CKM: variants seen among roughly 807,000 people sequenced by gnomAD.
The protein encoded by CKM is creatine kinase, M-type.
Under a neutral mutation model 35.4 loss-of-function variants are expected in CKM, and 28 were observed. The ratio of observed to expected loss-of-function variants is 0.79; its 90% CI spans 0.59 to 1.08. The LOEUF (loss-of-function observed/expected upper bound fraction) is 1.08, where lower values mean the gene tolerates loss of function less well. CKM is among the 50% of genes least tolerant of loss of function. CKM has a pLI of 0.00. For missense variants in CKM, 484 were observed against 509.8 expected (o/e 0.95, Z 0.49); for synonymous variants, 215 against 204.4 (o/e 1.05, Z -0.44).
rs1162148814 is a variant in CKM, at chr19:45,306,854, C to T, written c.1042G>A (p.Glu348Lys). ...NADRLGSSEV[E>K]QVQLVVDGVK... is the part of the protein sequence containing the mutation. ...CCATCCACCACCAGCTGCACCTGTT[C>T]TACTTCGGACGAGCCCAGCCGATCA... Residue 348 changes from glutamate to lysine, a missense_variant, in exon 8 of 8, where the codon GAA (glutamate) becomes AAA (lysine). Glu to Lys is a moderately conservative substitution (Grantham distance 56). Transcript: ENST00000221476. The surrounding 1 kb of genome is among the most constrained non-coding windows in gnomAD (Gnocchi z 4.5). 1 of 1,614,218 alleles carries T rather than the reference C, an allele frequency of 6.2e-7. No individual in the cohort carries two copies.
At chr19:45,310,244 A>C (rs1236202874) in intron 5 of CKM, among the ~76,000 whole-genome samples, 1 of 147,608 alleles carries the variant, frequency 6.8e-6, no homozygotes, top group Non-Finnish European at 1.5e-5. Context: ...CCTCAGCCTC[A>C]CGAGTAAGTA....
Position 45,317,856 on chromosome 19 carries a change from T to G in CKM, c.317A>C (p.His106Pro). 6.2e-7 allele frequency: 1 copy of G among 1,613,996 alleles called. No individual in the cohort carries two copies. The highest frequency in any genetic ancestry group is 1.3e-5 in the African/African-American group (1 of 74,972). Residue 106 changes from histidine (H) to proline (P), a missense_variant, in exon 3 of 8, where the codon CAC becomes CCC. Transcript: ENST00000221476. The stretch of plus-strand genomic sequence containing the variant: ...GTTTTCATGGTTGAGGTCAGTCTTG[T>G]GCTTGTCAGTGGGTTTGTAGCCCCC... ...RHGGYKPTDKHKTDLNHENLK... is the reference protein window; with the variant it reads ...RHGGYKPTDKPKTDLNHENLK...
chr19:45,318,791 C>T (rs1971183717), intron 2 of CKM, among the ~76,000 whole-genome samples: 1 of 152,128 alleles, frequency 6.6e-6, no homozygotes, highest in African/African-American at 2.4e-5. Context: ...CTCCCCTCCA[C>T]TCCCAGCTCT....
chr19:45,310,342 G>A (rs200940593), intron 5 of CKM, among the ~76,000 whole-genome samples: 20 of 151,602 alleles, frequency 1.3e-4, no homozygotes, highest in East Asian at 3.9e-4. Context: ...GGATGGTCTC[G>A]ATCTCCTGAC....
At chr19:45,308,259 G>T in intron 6 of CKM, 150 bp downstream of exon 6, 3 of 912,344 alleles carry the variant, frequency 3.3e-6, no homozygotes, top group Non-Finnish European at 3.3e-6. Context: ...GGGGGGCGGG[G>T]TTTGGCATGG....
rs565506821 is a variant in CKM, at chr19:45,318,999, C to G, written c.193+522G>C. 2.0e-4 allele frequency among the ~76,000 whole-genome samples: 30 copies of G among 152,118 alleles called. 1 individual carries two copies. Among genetic ancestry groups the G allele is most frequent in the Admixed American group, 1.6e-3 (25 of 15,260 alleles). On this transcript the variant is annotated intron_variant, in intron 2 of 7. Coordinates refer to ENST00000221476, the MANE Select transcript of CKM (RefSeq NM_001824.5). ...CCTCCTGAGTAGCTTGGACCACAAG[C>G]CCTCATCACCACACTTGGCTAATTT...
At chr19:45,307,348 G>T in intron 7 of CKM, 113 bp downstream of exon 7, 4 of 950,778 alleles carry the variant, frequency 4.2e-6, no homozygotes, top group Non-Finnish European at 6.5e-6. Flanking sequence ...CTCACAGAGG[G>T]TCAGCCCTTG....
At chr19:45,308,039 T>C (rs1046652678) in intron 6 of CKM, among the ~76,000 whole-genome samples, 1 of 152,006 alleles carries the variant, frequency 6.6e-6, no homozygotes, top group African/African-American at 2.4e-5. Context: ...AATTTATTTA[T>C]TTATTAATTT....
chr19:45,317,590 C>CT (rs758467617), intron 3 of CKM, among the ~76,000 whole-genome samples: 3,025 of 144,574 alleles, frequency 0.021, 56 homozygotes, highest in East Asian at 0.076. Context: ...GTGCCCAGCC[C>CT]TTTTTTTTTT....
chr19:45,309,114 G>T (rs1209641710), intron 5 of CKM, among the ~76,000 whole-genome samples: 3 of 151,364 alleles, frequency 2.0e-5, no homozygotes, highest in Admixed American at 2.0e-4. Context: ...TGTAGTCCCA[G>T]CTACTCAGGA....
Position 45,306,644 on chromosome 19 carries a change from G to A in CKM, c.*106C>T, listed in dbSNP as rs1971054004. 15 of 1,197,248 alleles carry A rather than the reference G, an allele frequency of 1.3e-5. No homozygotes were observed. The South Asian group carries it at 1.9e-4, about 15-fold the overall frequency. 74.2% of individuals were successfully genotyped at this position (1,197,248 alleles called of 1,614,324 possible). ...GAAGGGTGGAGAGAGCCCCCAGGTG[G>A]GACTCTGGGACAGGGGGCGGGGCGA... On this transcript the variant is annotated 3_prime_UTR_variant, in exon 8 of 8. Transcript: ENST00000221476. The surrounding 1 kb of genome is among the most constrained non-coding windows in gnomAD (Gnocchi z 4.5).
At chr19:45,309,399 TA>T (rs771201585) in intron 5 of CKM, among the ~76,000 whole-genome samples, 7 of 148,526 alleles carry the variant, frequency 4.7e-5, no homozygotes, top group African/African-American at 7.5e-5. Context: ...CTACAAAATT[TA>T]AAAAATTAGC....
At position 45,317,820 on chromosome 19, in the gene CKM, C is replaced by A. The variant is rs538759144; in HGVS notation, c.348+5G>T. On this transcript the variant is annotated splice_donor_5th_base_variant and intron_variant, in intron 3 of 7. Transcript: ENST00000221476. ...TCGGCCCTCCCCTCCTGCGCAGACA[C>A]CGACCTTGAGGTTTTCATGGTTGAG... The A allele has an allele frequency of 1.2e-6, 2 of 1,613,948 alleles. No homozygotes were observed. The highest frequency in any genetic ancestry group is 2.7e-5 in the African/African-American group (2 of 74,886).
chr19:45,310,212 C>A (rs1371187619), intron 5 of CKM, among the ~76,000 whole-genome samples: 1 of 149,116 alleles, frequency 6.7e-6, no homozygotes, highest in Non-Finnish European at 1.5e-5. Flanking sequence ...GCTCCGCCTC[C>A]CGGGTTCACG....
chr19:45,309,035 G>A (rs1971082229), intron 5 of CKM, among the ~76,000 whole-genome samples: 1 of 149,644 alleles, frequency 6.7e-6, no homozygotes, highest in Non-Finnish European at 1.5e-5. Context: ...ACACCATCCT[G>A]GCTAACACGT....
At chr19:45,309,461 C>A (rs150317035) in intron 5 of CKM, among the ~76,000 whole-genome samples, 3 of 147,574 alleles carry the variant, frequency 2.0e-5, no homozygotes, top group South Asian at 2.2e-4. Flanking sequence ...GAGGCTGAGG[C>A]GGGAGGATCA....
intron 4 of CKM, among the ~76,000 whole-genome samples, chr19:45,313,081 A>G (rs1394324172): frequency 6.6e-6 from 1 of 152,148 alleles, no homozygotes; most frequent in East Asian, 1.9e-4. Context: ...ATACATATTC[A>G]TATAATATAC....
At position 45,315,604 on chromosome 19, in the gene CKM, A is replaced by G. The variant is rs1971150594; in HGVS notation, c.349-7T>C. The G allele has an allele frequency of 3.1e-6, 5 of 1,602,698 alleles. No individual in the cohort carries two copies. Among genetic ancestry groups the G allele is most frequent in the Non-Finnish European group, 3.4e-6 (4 of 1,179,858 alleles). The stretch of plus-strand genomic sequence containing the variant: ...GGTCCAGGTCGTCTCCACCCTGGAG[A>G]GCGGGTGGGAGATCAGGACCAGGCA... On this transcript the variant is annotated splice_polypyrimidine_tract_variant and splice_region_variant and intron_variant, in intron 3 of 7. Coordinates refer to ENST00000221476, the MANE Select transcript of CKM (RefSeq NM_001824.5).
intron 1 of CKM, 66 bp from the exon 2 acceptor site, chr19:45,319,797 T>TC (rs1971195942): frequency 3.7e-6 from 4 of 1,091,806 alleles, no homozygotes; most frequent in Non-Finnish European, 3.9e-6. Flanking sequence ...TTCTTCTTCT[T>TC]TTTTTTTTTT....
Sources: allele counts gnomAD v4.1 joint callset (sites outside exome capture counted in the v4.1 genomes callset), GRCh38; gene constraint gnomAD v4.1.1; non-coding constraint Gnocchi (gnomAD v3.1); transcripts MANE v1.5; gene names NCBI Gene and HGNC (gene_info 2026-07-23, HGNC 2026-07-21).